The following KNSTRN variants were observed in gnomAD, a reference collection of about 807,000 sequenced individuals.
KNSTRN encodes small kinetochore-associated protein.
Under a neutral mutation model 44.7 loss-of-function variants are expected in KNSTRN, and 38 were observed. The observed-to-expected ratio is 0.85, with a 90% CI of 0.66 to 1.11. The LOEUF is 1.11. Among genes scored for constraint, KNSTRN ranks in the 50% most tolerant of loss-of-function variants. KNSTRN has a pLI of 0.00. For synonymous variants in KNSTRN, 158 were observed against 148.1 expected (o/e 1.07, Z -0.48); for missense variants, 406 against 375.8 (o/e 1.08, Z -0.66).
At chr15:40,393,168 G>A (rs955291904) in intron 8 of KNSTRN, 2 of 1,612,808 alleles carry the variant, frequency 1.2e-6, no homozygotes, top group African/African-American at 2.7e-5. Flanking sequence ...AGTAAGCACA[G>A]ATTCTTTGGT....
At chr15:40,392,938 A>C (rs1890026088) in intron 8 of KNSTRN, among the ~76,000 whole-genome samples, 1 of 152,000 alleles carries the variant, frequency 6.6e-6, no homozygotes, top group Non-Finnish European at 1.5e-5. Context: ...AAAACAGACC[A>C]ACATCAGTAC....
chr15:40,393,722 T>A lies in KNSTRN; in HGVS notation c.*125T>A. On this transcript the variant is annotated 3_prime_UTR_variant, in exon 9 of 9. Coordinates refer to ENST00000249776, the MANE Select transcript of KNSTRN (RefSeq NM_033286.4). ...TCCAGAATGAAAACAATTTCTACAGTAGACTTAAGGACAGTTTATGCTGAA... is the reference window on the plus strand; with the variant it reads ...TCCAGAATGAAAACAATTTCTACAGAAGACTTAAGGACAGTTTATGCTGAA... 1.1e-6 allele frequency: 1 copy of A among 892,044 alleles called. No homozygotes were observed. Among genetic ancestry groups the A allele is most frequent in the Non-Finnish European group, 1.7e-6 (1 of 592,416 alleles). 55.3% of individuals were successfully genotyped at this position (892,044 alleles called of 1,614,324 possible).
chr15:40,383,654 T>A (rs1889853942), intron 2 of KNSTRN, among the ~76,000 whole-genome samples: 1 of 152,220 alleles, frequency 6.6e-6, no homozygotes, highest in Non-Finnish European at 1.5e-5. Flanking sequence ...ACTTGGGCTA[T>A]CTTGAGGGAT....
At chr15:40,387,232 G>A (rs1161868972) in intron 4 of KNSTRN, 26 bp downstream of exon 4, 2 of 1,578,656 alleles carry the variant, frequency 1.3e-6, no homozygotes, top group Non-Finnish European at 8.7e-7. Context: ...AATCAACTTG[G>A]CCACTATTCT....
intron 7 of KNSTRN, 161 bp from the exon 8 acceptor site, chr15:40,391,788 A>T: frequency 1.5e-6 from 1 of 679,456 alleles, no homozygotes; most frequent in Non-Finnish European, 2.5e-6. Flanking sequence ...CATAATAGGT[A>T]AACCTGTAGA....
In KNSTRN at chr15:40,383,217, G is replaced by A; in HGVS notation, c.210-11G>A. On this transcript the variant is annotated splice_polypyrimidine_tract_variant and intron_variant, in intron 1 of 8. Transcript: ENST00000249776. ...CCCAGCGCTGGGTAACATTCATCCT[G>A]TACCTTCCAGGGTTCAGCCGTGCCG... The A allele has an allele frequency of 2.5e-6, 4 of 1,612,948 alleles. No homozygotes were observed. Among genetic ancestry groups the A allele is most frequent in the Non-Finnish European group, 1.7e-6 (2 of 1,178,952 alleles).
At chr15:40,386,653 A>G (rs1889907860) in intron 3 of KNSTRN, 159 bp downstream of exon 3, 1 of 682,324 alleles carries the variant, frequency 1.5e-6, no homozygotes, top group Non-Finnish European at 2.4e-6. Context: ...CTGTGCCAGA[A>G]CCCTCTGTGT....
At position 40,393,608 on chromosome 15, in the gene KNSTRN, G is replaced by C. The variant is rs777174472; in HGVS notation, c.*11G>C. 53 of 1,611,778 alleles carry C rather than the reference G, an allele frequency of 3.3e-5. No individual in the cohort carries two copies. The Admixed American group carries it at 8.9e-4, about 27-fold the overall frequency. ...CTATTAGAAATGTAAGAAGAAGCAA[G>C]TGGCCAGATGGCTCCCTCTTGGGCA... is the stretch of plus-strand genomic sequence containing the variant. On this transcript the variant is annotated 3_prime_UTR_variant, in exon 9 of 9. Coordinates refer to ENST00000249776, the MANE Select transcript of KNSTRN (RefSeq NM_033286.4).
chr15:40,388,677 G>C (rs990139061), intron 4 of KNSTRN, among the ~76,000 whole-genome samples: 1 of 149,640 alleles, frequency 6.7e-6, no homozygotes, highest in Non-Finnish European at 1.5e-5. Flanking sequence ...CCTGGGCGAC[G>C]GAGCGAGACT....
Position 40,393,809 on chromosome 15 carries a change from T to G in KNSTRN, c.*212T>G, listed in dbSNP as rs1273601485. On this transcript the variant is annotated 3_prime_UTR_variant, in exon 9 of 9. Transcript: ENST00000249776. The stretch of plus-strand genomic sequence containing the variant: ...TCAGGTTGGTCAGCCCTCCTGAGCC[T>G]CACAGGTGGATAATTGAGGCCTACA... 1 of 396,326 alleles carries G rather than the reference T, an allele frequency of 2.5e-6. No homozygotes were observed. Among genetic ancestry groups the G allele is most frequent in the Non-Finnish European group, 4.6e-6 (1 of 218,794 alleles). The allele number at this position is 396,326 out of a possible 1,614,324, so 24.6% of individuals were successfully genotyped here.
intron 8 of KNSTRN, among the ~76,000 whole-genome samples, 154 bp downstream of exon 8, chr15:40,392,177 T>G (rs953582288): frequency 1.6e-5 from 2 of 123,084 alleles, no homozygotes; most frequent in Non-Finnish European, 3.5e-5. Flanking sequence ...TTTACCCTGA[T>G]AGTAACGTGT....
chr15:40,384,712 G>A (rs7176722), intron 2 of KNSTRN: 137,427 of 248,392 alleles, frequency 0.55, 39,188 homozygotes, highest in East Asian at 0.71. Flanking sequence ...GATTTTGAGC[G>A]TGGGCTGGAT....
chr15:40,391,088 A>T (rs1156551522), intron 6 of KNSTRN, among the ~76,000 whole-genome samples: 1 of 152,146 alleles, frequency 6.6e-6, no homozygotes, highest in Non-Finnish European at 1.5e-5. Flanking sequence ...GACACCATAA[A>T]TATTTTGTAT....
chr15:40,386,537 A>G (rs1000682260), intron 3 of KNSTRN, 43 bp downstream of exon 3: 5 of 1,600,236 alleles, frequency 3.1e-6, no homozygotes, highest in East Asian at 2.2e-5. Context: ...ATCTTCCTAG[A>G]AATTGCTCAA....
rs1889827484 is a variant in KNSTRN, at chr15:40,382,800, T to C, written c.-36T>C. 1.9e-6 allele frequency: 3 copies of C among 1,586,580 alleles called. No individual in the cohort carries two copies. The highest frequency in any genetic ancestry group is 1.3e-5 in the African/African-American group (1 of 74,252). ...GGGGGCTCCAACACCTTTCGCTAGG[T>C]CTGGCTCTGGCCTCTGAGCGAACCT... On this transcript the variant is annotated 5_prime_UTR_variant, in exon 1 of 9. Transcript: ENST00000249776.
intron 2 of KNSTRN, chr15:40,383,533 G>A: frequency 1.8e-6 from 1 of 557,086 alleles, no homozygotes; most frequent in Non-Finnish European, 3.2e-6. Flanking sequence ...GCACTTTTCT[G>A]CCCGCATGTG....
chr15:40,393,780 A>C lies in KNSTRN; in HGVS notation c.*183A>C. 1 of 512,882 alleles carries C rather than the reference A, an allele frequency of 1.9e-6. No individual in the cohort carries two copies. The highest frequency in any genetic ancestry group is 3.3e-6 in the Non-Finnish European group (1 of 303,384). The allele number at this position is 512,882 out of a possible 1,614,324, so 31.8% of individuals were successfully genotyped here. ...TTCCTCATTTAAGCAAGTTTTCCCA[A>C]CCTTCAGGTTGGTCAGCCCTCCTGA... On this transcript the variant is annotated 3_prime_UTR_variant, in exon 9 of 9. Coordinates refer to ENST00000249776, the MANE Select transcript of KNSTRN (RefSeq NM_033286.4).
At chr15:40,384,158 G>A in intron 2 of KNSTRN, 1 of 222,784 alleles carries the variant, frequency 4.5e-6, no homozygotes, top group Non-Finnish European at 9.2e-6. Context: ...CAGATCACGA[G>A]GTCAGGAGAT....
In KNSTRN at chr15:40,382,844, T is replaced by C. The variant is rs1595735942; in HGVS notation, c.9T>C (p.Ala3=). MA[A]PEAPPLDRVF... Reference sequence around the variant, plus strand: ...CGAACCTTCCGTACAGTATGGCGGCTCCCGAAGCCCCGCCCCTGGACAGAG... The same window carrying C: ...CGAACCTTCCGTACAGTATGGCGGCCCCCGAAGCCCCGCCCCTGGACAGAG... The change falls in exon 1 of 9, where the codon GCT becomes GCC. Residue 3 remains alanine, a synonymous_variant. Coordinates refer to ENST00000249776, the MANE Select transcript of KNSTRN (RefSeq NM_033286.4). The C allele has an allele frequency of 6.2e-7, 1 of 1,608,964 alleles. No homozygotes were observed.
Sources: allele counts gnomAD v4.1 joint callset (sites outside exome capture counted in the v4.1 genomes callset), GRCh38; gene constraint gnomAD v4.1.1; transcripts MANE v1.5; gene names NCBI Gene and HGNC (gene_info 2026-07-23, HGNC 2026-07-21).